Variants in LARS2 observed in about 807,000 individuals in gnomAD.
LARS2 encodes the protein leucine--tRNA ligase, mitochondrial.
A neutral mutation model predicts 116.6 loss-of-function variants in LARS2; 81 were observed. The ratio of observed to expected loss-of-function variants is 0.69; its 90% CI spans 0.58 to 0.84. LARS2 has a LOEUF of 0.84. LARS2 is among the 40% of genes least tolerant of loss of function. LARS2 has a pLI of 0.00. For synonymous variants in LARS2, 396 were observed against 407.2 expected (o/e 0.97, Z 0.33); for missense variants, 968 against 1,114.5 (o/e 0.87, Z 1.87).
chr3:45,429,690 T>C (rs1698658312), intron 6 of LARS2, among the ~76,000 whole-genome samples: 1 of 142,608 alleles, frequency 7.0e-6, no homozygotes, highest in African/African-American at 2.5e-5. Context: ...GCCTACCACA[T>C]CCTTCTGCTT....
intron 21 of LARS2, among the ~76,000 whole-genome samples, chr3:45,542,904 A>T (rs182367777): frequency 6.6e-6 from 1 of 152,382 alleles, no homozygotes; most frequent in East Asian, 1.9e-4. Context: ...AAAGAGTAAG[A>T]TAAATAAAAT....
At chr3:45,535,652 G>A (rs1700691835) in intron 20 of LARS2, among the ~76,000 whole-genome samples, 1 of 152,064 alleles carries the variant, frequency 6.6e-6, no homozygotes, top group South Asian at 2.1e-4. Context: ...TAAAAGAGTG[G>A]CGCTAGGGAG....
chr3:45,425,796 G>A (rs1040231644), intron 6 of LARS2, among the ~76,000 whole-genome samples: 3 of 151,914 alleles, frequency 2.0e-5, no homozygotes, highest in South Asian at 2.1e-4. Context: ...GCTTGCTTTC[G>A]TGTAATCACA....
intron 3 of LARS2, 28 bp downstream of exon 3, chr3:45,394,715 G>T (rs768664426): frequency 6.6e-7 from 1 of 1,518,160 alleles, no homozygotes; most frequent in East Asian, 2.3e-5. Context: ...TTCTAAGAGG[G>T]TAGAGAAGAG....
intron 6 of LARS2, chr3:45,421,368 C>T (rs1435880016): frequency 6.6e-6 from 1 of 152,142 alleles, no homozygotes; most frequent in Non-Finnish European, 1.5e-5. Context: ...GCACTATTTT[C>T]TTTTAATTTC....
At chr3:45,498,038 C>A (rs746748557) in intron 14 of LARS2, among the ~76,000 whole-genome samples, 14 of 152,376 alleles carry the variant, frequency 9.2e-5, no homozygotes, top group Non-Finnish European at 1.5e-4. Context: ...CACAGAGGGG[C>A]TCCCCTTCAG....
chr3:45,533,889 C>T (rs1700660848), intron 20 of LARS2, among the ~76,000 whole-genome samples: 1 of 152,356 alleles, frequency 6.6e-6, no homozygotes, highest in East Asian at 1.9e-4. Flanking sequence ...CGTCACCCCA[C>T]TGGGGCTTTT....
At chr3:45,394,148 C>G (rs1237252112) in intron 2 of LARS2, among the ~76,000 whole-genome samples, 1 of 152,222 alleles carries the variant, frequency 6.6e-6, no homozygotes. Flanking sequence ...CCATGCCTTC[C>G]ATGCAACTTG....
intron 20 of LARS2, chr3:45,538,234 A>G (rs1700739346): frequency 6.6e-6 from 1 of 152,158 alleles, no homozygotes; most frequent in Non-Finnish European, 1.5e-5. Flanking sequence ...TACTATAAAT[A>G]AGCATCCTGA....
intron 6 of LARS2, among the ~76,000 whole-genome samples, chr3:45,426,377 C>T (rs988446816): frequency 1.3e-5 from 2 of 152,194 alleles, no homozygotes; most frequent in African/African-American, 2.4e-5. Context: ...GTGTTTGACC[C>T]GCCCAGTCCT....
At chr3:45,443,644 T>G (rs968809923) in intron 6 of LARS2, among the ~76,000 whole-genome samples, 5 of 152,166 alleles carry the variant, frequency 3.3e-5, no homozygotes, top group Non-Finnish European at 5.9e-5. Context: ...CAGCCTCCTC[T>G]GGGCAGGTGA....
In LARS2 at chr3:45,469,646, G is replaced by A. The variant is rs1699487809; in HGVS notation, c.751-4597G>A. Among the ~76,000 whole-genome samples the A allele has an allele frequency of 2.6e-5, 4 of 152,056 alleles. No individual in the cohort carries two copies. In the South Asian group the frequency reaches 8.3e-4, roughly 32 times the overall value. On this transcript the variant is annotated intron_variant, in intron 8 of 21. Coordinates refer to ENST00000645846, the MANE Select transcript of LARS2 (RefSeq NM_015340.4). ...GGGGTGAGTCACTGTGCCCGGCCGG[G>A]TTTTTTTAATGTATAAATCTTCATG...
intron 20 of LARS2, among the ~76,000 whole-genome samples, chr3:45,532,618 C>T (rs1700632664): frequency 6.6e-6 from 1 of 152,152 alleles, no homozygotes; most frequent in African/African-American, 2.4e-5. Context: ...TCACTGACTT[C>T]ACAGAGGGAA....
At chr3:45,456,438 C>G (rs1369419505) in intron 7 of LARS2, among the ~76,000 whole-genome samples, 1 of 152,142 alleles carries the variant, frequency 6.6e-6, no homozygotes, top group Admixed American at 6.5e-5. Context: ...CAAAAATTAG[C>G]TGGGCGTGGT....
At chr3:45,509,002 A>G (rs1559492181) in intron 15 of LARS2, among the ~76,000 whole-genome samples, 1 of 152,058 alleles carries the variant, frequency 6.6e-6, no homozygotes, top group Non-Finnish European at 1.5e-5. Flanking sequence ...ACTAATGAAG[A>G]AATTGTGAAG....
intron 6 of LARS2, among the ~76,000 whole-genome samples, chr3:45,424,164 A>G (rs771093466): frequency 6.6e-5 from 10 of 152,226 alleles, no homozygotes; most frequent in Admixed American, 2.6e-4. Context: ...TTGTGTGTGT[A>G]TAGTAGTATA....
chr3:45,419,782 G>A (rs1698487120), intron 6 of LARS2, 53 bp downstream of exon 6: 4 of 1,401,864 alleles, frequency 2.9e-6, no homozygotes, highest in Non-Finnish European at 4.1e-6. Flanking sequence ...GGACTTGATG[G>A]CAGGGAGCAC....
intron 20 of LARS2, among the ~76,000 whole-genome samples, chr3:45,537,426 A>G (rs1272125397): frequency 6.6e-6 from 1 of 152,192 alleles, no homozygotes. Context: ...CACTGTACTC[A>G]TTAACTTCAA....
At chr3:45,531,944 A>AT (rs1475375587) in intron 20 of LARS2, among the ~76,000 whole-genome samples, 7 of 152,322 alleles carry the variant, frequency 4.6e-5, no homozygotes, top group Admixed American at 6.5e-5. Flanking sequence ...ATGGCATATA[A>AT]TTTTTTAAAT....
Sources: allele counts gnomAD v4.1 joint callset (sites outside exome capture counted in the v4.1 genomes callset), GRCh38; gene constraint gnomAD v4.1.1; transcripts MANE v1.5; gene names NCBI Gene and HGNC (gene_info 2026-07-23, HGNC 2026-07-21).